Variants in CCDC57 observed in about 807,000 individuals in gnomAD.
CCDC57 encodes the protein coiled-coil domain-containing protein 57.
Under a neutral mutation model 118.9 loss-of-function variants are expected in CCDC57, and 118 were observed. The observed-to-expected ratio is 0.99, with a 90% confidence interval of 0.86 to 1.16. The LOEUF is 1.16. Ranked by LOEUF, CCDC57 falls within the 50% of genes most tolerant of loss-of-function variation. CCDC57 has a pLI of 0.00. For synonymous variants in CCDC57, 527 were observed against 532.9 expected (o/e 0.99, Z 0.15); for missense variants, 1,300 against 1,320.7 (o/e 0.98, Z 0.24).
chr17:82,110,539 G>A (rs1405009363), intron 19 of CCDC57, among the ~76,000 whole-genome samples: 8 of 152,296 alleles, frequency 5.3e-5, no homozygotes, highest in African/African-American at 1.9e-4. Flanking sequence ...ACAGGTAGAT[G>A]ATTCACTTTC....
intron 13 of CCDC57, among the ~76,000 whole-genome samples, chr17:82,170,781 CAGGA>C (rs1200305882): frequency 1.3e-5 from 2 of 152,128 alleles, no homozygotes; most frequent in Admixed American, 1.3e-4. Flanking sequence ...CCAATGCACA[CAGGA>C]AGAGATGTTC....
At chr17:82,145,789 C>T (rs945757574) in intron 16 of CCDC57, 9 of 465,932 alleles carry the variant, frequency 1.9e-5, no homozygotes, top group Non-Finnish European at 2.7e-5. Context: ...GCCCTGGTCT[C>T]GGCCGGAACC....
chr17:82,132,175 A>T (rs1241823133), intron 17 of CCDC57, among the ~76,000 whole-genome samples: 4 of 151,800 alleles, frequency 2.6e-5, no homozygotes, highest in Non-Finnish European at 5.9e-5. Flanking sequence ...AAATTTTGTA[A>T]AGGAACAGAA....
In CCDC57 at chr17:82,140,147, G is replaced by A. The variant is rs147068056; in HGVS notation, c.2456-5953C>T. Among the ~76,000 whole-genome samples, 170 of 152,090 alleles carry A rather than the reference G, an allele frequency of 1.1e-3. 1 individual carries two copies. The highest frequency in any genetic ancestry group is 3.9e-3 in the African/African-American group (161 of 41,472). On this transcript the variant is annotated intron_variant, in intron 16 of 19. Transcript: ENST00000665763. ...GTTGTCCAGGCTGGAGTGCAGCAGC[G>A]CAATCTCGGCTCACTGCAAGCTCCG... is the stretch of plus-strand genomic sequence containing the variant.
intron 19 of CCDC57, chr17:82,127,455 A>G: frequency 1.5e-5 from 15 of 985,234 alleles, no homozygotes; most frequent in Non-Finnish European, 1.8e-5. Context: ...GCCCGGGTGT[A>G]CGGTGCTGCA....
chr17:82,154,336 TGGAA>T (rs2042419980), intron 15 of CCDC57: 1 of 152,388 alleles, frequency 6.6e-6, no homozygotes, highest in Non-Finnish European at 1.5e-5. Context: ...GCTAGGGCCG[TGGAA>T]GGGGACCAGC....
chr17:82,102,122 A>G (rs760825051), intron 19 of CCDC57, among the ~76,000 whole-genome samples: 2 of 152,194 alleles, frequency 1.3e-5, no homozygotes, highest in Non-Finnish European at 2.9e-5. Context: ...GCACCTGGAC[A>G]TGTGGCTCTG....
intron 7 of CCDC57, 53 bp from the exon 7 acceptor site, chr17:82,188,472 C>T (rs562889624): frequency 3.9e-5 from 61 of 1,548,190 alleles, no homozygotes; most frequent in Non-Finnish European, 5.0e-5. Flanking sequence ...ACACCCAGGC[C>T]CCAGACCCTC....
intron 8 of CCDC57, among the ~76,000 whole-genome samples, chr17:82,187,867 G>T (rs1459525654): frequency 6.6e-6 from 1 of 151,310 alleles, no homozygotes. Context: ...TGGGAAGATG[G>T]AAAGTTCTGG....
At chr17:82,153,880 G>C (rs1405685204) in intron 15 of CCDC57, 1 of 152,368 alleles carries the variant, frequency 6.6e-6, no homozygotes. Flanking sequence ...CTGCTGAAAT[G>C]TCTTCACGTC....
chr17:82,113,593 G>T (rs1275599394), intron 19 of CCDC57: 5 of 717,488 alleles, frequency 7.0e-6, no homozygotes, highest in Non-Finnish European at 1.3e-5. Context: ...GAGCCCACGT[G>T]CTCCTTACCA....
At chr17:82,113,631 G>A (rs752842424) in intron 19 of CCDC57, 138 of 717,398 alleles carry the variant, frequency 1.9e-4, no homozygotes, top group Non-Finnish European at 5.5e-5. Flanking sequence ...ATGTTTGGGT[G>A]AAGGGCTCCA....
At chr17:82,184,031 G>GCTCACACACACACACA in intron 8 of CCDC57, 99 bp from the exon 8 acceptor site, 1 of 128,352 alleles carries the variant, frequency 7.8e-6, no homozygotes, top group African/African-American at 4.4e-5. Context: ...GCGCGCGCGC[G>GCTCACACACACACACA]CACACACACA....
intron 14 of CCDC57, among the ~76,000 whole-genome samples, chr17:82,161,829 C>T (rs1344821758): frequency 1.3e-5 from 2 of 151,448 alleles, no homozygotes; most frequent in Non-Finnish European, 2.9e-5. Context: ...AATGTTTATG[C>T]GACATTGTGA....
At chr17:82,150,287 C>T (rs1299003269) in intron 16 of CCDC57, among the ~76,000 whole-genome samples, 9 of 140,494 alleles carry the variant, frequency 6.4e-5, no homozygotes, top group African/African-American at 1.9e-4. Context: ...AGGCGCACAC[C>T]CAGAACCTGG....
chr17:82,144,504 G>C (rs115351885), intron 16 of CCDC57, among the ~76,000 whole-genome samples: 2,407 of 152,176 alleles, frequency 0.016, 72 homozygotes, highest in African/African-American at 0.056. Flanking sequence ...GAAAAGATGG[G>C]GCTGCCTTGT....
chr17:82,169,886 C>T (rs1197976156), intron 13 of CCDC57, among the ~76,000 whole-genome samples: 2 of 152,102 alleles, frequency 1.3e-5, no homozygotes, highest in East Asian at 1.9e-4. Context: ...ACCAAAGACA[C>T]CAGTGAAGGA....
chr17:82,183,847 G>A lies in CCDC57; in HGVS notation c.1138C>T (p.Gln380Ter). 6.2e-7 allele frequency: 1 copy of A among 1,612,154 alleles called. No individual in the cohort carries two copies. The highest frequency in any genetic ancestry group is 8.5e-7 in the Non-Finnish European group (1 of 1,179,122). Reference sequence around the variant, plus strand: ...TCTTCTTCCTGCAGCGTCTGAATCTGAAGGTCTCTGGAGACCATCTCCTTA... The same window carrying A: ...TCTTCTTCCTGCAGCGTCTGAATCTAAAGGTCTCTGGAGACCATCTCCTTA... Residue 380 changes from glutamine to a stop codon, truncating the protein, a stop_gained, in exon 9 of 20, where the codon CAG becomes TAG. Transcript: ENST00000665763. LOFTEE classifies it high-confidence loss of function.
At position 82,212,416 on chromosome 17, in the gene CCDC57, TA is replaced by T. The variant is rs1568519888; in HGVS notation, c.-211+368del. Among the ~76,000 whole-genome samples, 2 of 145,140 alleles carry T rather than the reference TA, an allele frequency of 1.4e-5. No homozygotes were observed. The highest frequency in any genetic ancestry group is 5.0e-5 in the African/African-American group (2 of 39,856). ...TCCTCTCTTTTTTTTTTTTTTTTTT[TA>T]AACTCACAGACACTGTAAGGCTGCC... On this transcript the variant is annotated intron_variant, in intron 1 of 19. Coordinates refer to ENST00000665763, the Ensembl canonical transcript of CCDC57. This position sits in a 1 kb window ranked among gnomAD's most constrained non-coding sequence, Gnocchi z 4.1.
Sources: gnomAD v4.1 joint callset for allele counts (sites outside exome capture counted in the v4.1 genomes callset) on GRCh38, gnomAD v4.1.1 for gene constraint, Gnocchi (gnomAD v3.1) non-coding constraint, MANE v1.5 for transcripts, NCBI Gene and HGNC (gene_info 2026-07-23, HGNC 2026-07-21) for gene names.